INSC: variants seen among roughly 807,000 people sequenced by gnomAD.
INSC encodes INSC spindle orientation adaptor protein.
Under a neutral mutation model 58.6 loss-of-function variants are expected in INSC, and 67 were observed. The ratio of observed to expected loss-of-function variants is 1.14; its 90% CI spans 0.94 to 1.40. INSC has a LOEUF of 1.40. INSC is among the 40% of genes most tolerant of loss of function. INSC has a pLI of 0.00. For missense variants in INSC, 714 were observed against 692.0 expected (o/e 1.03, Z -0.36); for synonymous variants, 262 against 276.1 (o/e 0.95, Z 0.51).
intron 7 of INSC, among the ~76,000 whole-genome samples, chr11:15,203,041 A>G (rs1050872977): frequency 2.0e-5 from 3 of 152,202 alleles, no homozygotes; most frequent in Non-Finnish European, 4.4e-5. Context: ...TCATTAATGC[A>G]CCAGAACCTT....
At chr11:15,158,198 T>G (rs1055624432) in intron 2 of INSC, among the ~76,000 whole-genome samples, 1 of 151,992 alleles carries the variant, frequency 6.6e-6, no homozygotes. Flanking sequence ...TTACTGATTC[T>G]TTGCACAATT....
chr11:15,207,505 C>A (rs975728312), intron 7 of INSC, among the ~76,000 whole-genome samples: 4 of 152,096 alleles, frequency 2.6e-5, no homozygotes, highest in African/African-American at 9.7e-5. Flanking sequence ...CACGCCCCAC[C>A]CTCATTTCCT....
intron 5 of INSC, among the ~76,000 whole-genome samples, chr11:15,181,226 C>T (rs951796822): frequency 6.6e-6 from 1 of 152,176 alleles, no homozygotes; most frequent in Non-Finnish European, 1.5e-5. Context: ...TCTCTAGTGA[C>T]TAGAACAGTA....
intron 1 of INSC, among the ~76,000 whole-genome samples, chr11:15,126,371 C>G (rs1847995602): frequency 6.6e-6 from 1 of 152,200 alleles, no homozygotes; most frequent in South Asian, 2.1e-4. Context: ...GGGACAAACC[C>G]TATAACTCGA....
rs149695724 is a variant in INSC, at chr11:15,144,983, G to A, written c.-45-4147G>A. 5.7e-3 allele frequency among the ~76,000 whole-genome samples: 875 copies of A among 152,286 alleles called. 26 individuals are homozygous for A. Among genetic ancestry groups the A allele is most frequent in the Admixed American group, 0.052 (798 of 15,296 alleles). On this transcript the variant is annotated intron_variant, in intron 1 of 12. Transcript: ENST00000379556. ...AAACAAGGCTGCAGGATCCATGGTG[G>A]GATTTTCAGTGAATTAGGAAAGGCC... is the stretch of plus-strand genomic sequence containing the variant.
the INSC span, among the ~76,000 whole-genome samples, chr11:15,266,920 A>T: frequency 4.6e-5 from 7 of 152,126 alleles, no homozygotes; most frequent in East Asian, 1.2e-3. Context: ...ATGCTACATC[A>T]GTCTCTATTA....
chr11:15,259,373 T>C, the INSC span, among the ~76,000 whole-genome samples: 9 of 152,150 alleles, frequency 5.9e-5, no homozygotes, highest in African/African-American at 1.7e-4. Flanking sequence ...AAGAATTCTA[T>C]TGTGGTATGC....
chr11:15,260,427 G>T, the INSC span, among the ~76,000 whole-genome samples: 1 of 152,106 alleles, frequency 6.6e-6, no homozygotes. Flanking sequence ...ATACAGGTAT[G>T]GGGGTCATCT....
At position 15,200,805 on chromosome 11, in the gene INSC, C is replaced by T. The variant is rs578101259; in HGVS notation, c.694-19C>T. 2.4e-5 allele frequency: 38 copies of T among 1,613,918 alleles called. No individual in the cohort carries two copies. In the South Asian group the frequency reaches 4.0e-4, roughly 17 times the overall value. On this transcript the variant is annotated intron_variant, in intron 6 of 12. Coordinates refer to ENST00000379556, the MANE Select transcript of INSC (RefSeq NM_001042536.3). ...AAGGTCACACAGTAAGATGATGTGA[C>T]ATTTCTTTCTCTTGGCAGGAGGGTG...
intron 9 of INSC, 88 bp downstream of exon 9, chr11:15,225,916 A>G (rs1259038087): frequency 2.2e-6 from 3 of 1,342,086 alleles, no homozygotes; most frequent in Non-Finnish European, 3.1e-6. Flanking sequence ...GAGGCAGGGG[A>G]GAGAGCATGG....
At chr11:15,138,486 G>A (rs1367971480) in intron 1 of INSC, among the ~76,000 whole-genome samples, 1 of 152,238 alleles carries the variant, frequency 6.6e-6, no homozygotes, top group African/African-American at 2.4e-5. Flanking sequence ...CTTTGGAGGG[G>A]AAACACTGAG....
chr11:15,123,577 C>A (rs1272526121), intron 1 of INSC, among the ~76,000 whole-genome samples: 2 of 152,086 alleles, frequency 1.3e-5, no homozygotes, highest in Non-Finnish European at 2.9e-5. Flanking sequence ...CATGTCTGTC[C>A]CTCAGAGACC....
At chr11:15,217,885 C>G (rs1439660695) in intron 7 of INSC, among the ~76,000 whole-genome samples, 3 of 152,108 alleles carry the variant, frequency 2.0e-5, no homozygotes, top group East Asian at 1.9e-4. Context: ...CTGCCAATAG[C>G]AAGTATTGGC....
chr11:15,152,992 A>C (rs1369371229), intron 2 of INSC, among the ~76,000 whole-genome samples: 1 of 152,196 alleles, frequency 6.6e-6, no homozygotes, highest in Non-Finnish European at 1.5e-5. Context: ...TGTCTTTTCC[A>C]TAAACAAATC....
At chr11:15,234,602 C>A (rs548232104) in intron 9 of INSC, among the ~76,000 whole-genome samples, 2 of 152,268 alleles carry the variant, frequency 1.3e-5, no homozygotes, top group South Asian at 2.1e-4. Flanking sequence ...AGAAACCTTT[C>A]GAGAGAGAGG....
At chr11:15,223,917 C>T (rs547162001) in intron 8 of INSC, among the ~76,000 whole-genome samples, 2 of 152,282 alleles carry the variant, frequency 1.3e-5, no homozygotes, top group East Asian at 3.9e-4. Flanking sequence ...GAGGCATTAC[C>T]CTCCTGATAG....
chr11:15,134,270 T>C (rs1367571729), intron 1 of INSC, among the ~76,000 whole-genome samples: 1 of 152,210 alleles, frequency 6.6e-6, no homozygotes, highest in Non-Finnish European at 1.5e-5. Context: ...AAAGAAAATA[T>C]GGTTCCAATT....
intron 7 of INSC, among the ~76,000 whole-genome samples, chr11:15,206,895 A>G (rs1419386497): frequency 6.6e-6 from 1 of 152,118 alleles, no homozygotes; most frequent in Non-Finnish European, 1.5e-5. Context: ...TCCCATGCCC[A>G]TTTGTCTCTA....
intron 5 of INSC, chr11:15,188,281 CT>C (rs1850046051): frequency 1.0e-6 from 1 of 985,342 alleles, no homozygotes; most frequent in African/African-American, 1.7e-5. Flanking sequence ...GCAAAACTTG[CT>C]AATGAGGCTG....
Sources: allele counts gnomAD v4.1 joint callset (sites outside exome capture counted in the v4.1 genomes callset), GRCh38; gene constraint gnomAD v4.1.1; transcripts MANE v1.5; gene names NCBI Gene and HGNC (gene_info 2026-07-23, HGNC 2026-07-21).